The following NCOR2 variants were observed in gnomAD, a reference collection of about 807,000 sequenced individuals.
NCOR2 encodes nuclear receptor corepressor 2.
Under a neutral mutation model 262.9 loss-of-function variants are expected in NCOR2, and 81 were observed. That is an observed-to-expected ratio of 0.31 (90% CI 0.26 to 0.37). The LOEUF is 0.37. NCOR2 is among the 10% of genes least tolerant of loss of function. NCOR2 has a pLI of 1.00. For missense variants in NCOR2, 3,385 were observed against 3,621.4 expected (o/e 0.93, Z 1.68); for synonymous variants, 1,659 against 1,559.3 (o/e 1.06, Z -1.51).
intron 17 of NCOR2, among the ~76,000 whole-genome samples, chr12:124,380,722 C>G (rs1310269508): frequency 1.3e-5 from 2 of 152,094 alleles, no homozygotes; most frequent in Non-Finnish European, 2.9e-5. Context: ...TCGCAGGGAA[C>G]AGGGGTCTCC....
At chr12:124,350,788 C>T (rs1258070211) in intron 27 of NCOR2, 51 bp from the exon 30 acceptor site, 1 of 1,566,062 alleles carries the variant, frequency 6.4e-7, no homozygotes, top group Non-Finnish European at 8.6e-7. Flanking sequence ...CAGGACCCCT[C>T]TCAACTCAAA....
At chr12:124,516,309 T>G (rs1338614022) in intron 1 of NCOR2, among the ~76,000 whole-genome samples, 2 of 151,780 alleles carry the variant, frequency 1.3e-5, no homozygotes, top group African/African-American at 2.4e-5. Flanking sequence ...CCAGGCACTG[T>G]GGGGGGTGCC....
At chr12:124,495,839 G>GGGCCACA (rs2048349886), upstream of NCOR2, among the ~76,000 whole-genome samples, 1 of 152,202 alleles carries the variant, frequency 6.6e-6, no homozygotes, top group Admixed American at 6.5e-5. This position sits in a 1 kb window ranked among gnomAD's most constrained non-coding sequence, Gnocchi z 4.4. Flanking sequence ...GGCGGGCCAC[G>GGGCCACA]GGCCACAGGC....
At chr12:124,479,415 G>C (rs1225777320) in intron 3 of NCOR2, among the ~76,000 whole-genome samples, 1 of 149,526 alleles carries the variant, frequency 6.7e-6, no homozygotes, top group Non-Finnish European at 1.5e-5. Flanking sequence ...GCACACACAG[G>C]TACATGCACG....
At chr12:124,529,540 T>C (rs959604746) in intron 1 of NCOR2, among the ~76,000 whole-genome samples, 5 of 152,058 alleles carry the variant, frequency 3.3e-5, no homozygotes, top group African/African-American at 1.2e-4. Flanking sequence ...ACAACCCAAC[T>C]GGTGCAATCC....
chr12:124,356,747 G>A, exon 23 of NCOR2: 1 of 1,494,524 alleles, frequency 6.7e-7, no homozygotes, highest in Non-Finnish European at 8.8e-7. Context: ...CAGCAAGGGG[G>A]GTCCCCAGGC....
Position 124,566,706 on chromosome 12 carries a change from C to A in NCOR2, c.-165+602G>T, listed in dbSNP as rs1329136758. On this transcript the variant is annotated intron_variant, in intron 1 of 32. Coordinates refer to the NCOR2 transcript ENST00000458234. The surrounding 1 kb of genome is among the most constrained non-coding windows in gnomAD (Gnocchi z 4.3). The stretch of plus-strand genomic sequence containing the variant: ...CAGCCACGGGAGGCAGGCCCAGACA[C>A]CAGGAACACCGGCCCGCGGGGGAGG... Among the ~76,000 whole-genome samples, 2 of 152,184 alleles carry A rather than the reference C, an allele frequency of 1.3e-5. No individual in the cohort carries two copies. Among genetic ancestry groups the A allele is most frequent in the Non-Finnish European group, 2.9e-5 (2 of 68,034 alleles).
exon 39 of NCOR2, chr12:124,335,603 C>G (rs2035804995): frequency 1.9e-6 from 3 of 1,606,214 alleles, no homozygotes; most frequent in Non-Finnish European, 2.5e-6. Context: ...GGCTCCACCC[C>G]TTCGGGGCTG....
chr12:124,554,561 C>T (rs935779410), intron 1 of NCOR2, among the ~76,000 whole-genome samples: 1 of 152,270 alleles, frequency 6.6e-6, no homozygotes, highest in Non-Finnish European at 1.5e-5. Context: ...CCCCCAGGCA[C>T]TCCTTACAGC....
intron 1 of NCOR2, among the ~76,000 whole-genome samples, chr12:124,567,053 C>T (rs972625529): frequency 6.6e-6 from 1 of 151,052 alleles, no homozygotes; most frequent in African/African-American, 2.4e-5. Context: ...CCCACCCCAA[C>T]GCCACTTCCC....
In NCOR2 at chr12:124,420,059, T is replaced by C; in HGVS notation, c.1384-4A>G. 6.2e-7 allele frequency: 1 copy of C among 1,610,820 alleles called. No individual in the cohort carries two copies. The highest frequency in any genetic ancestry group is 8.5e-7 in the Non-Finnish European group (1 of 1,178,334). On this transcript the variant is annotated splice_region_variant and splice_polypyrimidine_tract_variant and intron_variant, in intron 12 of 46. Transcript: ENST00000405201. ...AGAGGACGCACTCAGCCACTGTCTG[T>C]GGGACAGAGAAAGAGGACGCTGAGC... is the stretch of plus-strand genomic sequence containing the variant.
chr12:124,330,797 G>A, intron 44 of NCOR2, 48 bp downstream of exon 46: 1 of 1,543,364 alleles, frequency 6.5e-7, no homozygotes, highest in Middle Eastern at 1.7e-4. Flanking sequence ...GGTGGGGAGG[G>A]AGCGGAGGGG....
intron 1 of NCOR2, among the ~76,000 whole-genome samples, chr12:124,532,935 TCCTCCCTCCAAATCCCACTCCTCTTCCC>T (rs1566032655): frequency 3.8e-5 from 1 of 26,336 alleles, no homozygotes; most frequent in Non-Finnish European, 7.0e-5. Flanking sequence ...CTCCTTCCCC[TCCTCCCTCCAAATCCCACTCCTCTTCCC>T]CCCTCCCTCC....
intron 11 of NCOR2, among the ~76,000 whole-genome samples, chr12:124,424,262 C>T (rs548576164): frequency 3.3e-5 from 5 of 152,224 alleles, no homozygotes; most frequent in East Asian, 3.9e-4. Context: ...CCAGGGGGAA[C>T]GTGAATCTCA....
At chr12:124,466,308 G>T (rs756479932) in intron 4 of NCOR2, 22 bp from the exon 7 acceptor site, 1 of 1,596,106 alleles carries the variant, frequency 6.3e-7, no homozygotes, top group South Asian at 1.1e-5. Context: ...GGCAGAACGT[G>T]AGGGATGAGC....
chr12:124,367,967 C>T (rs564915858), intron 20 of NCOR2, among the ~76,000 whole-genome samples: 1 of 152,362 alleles, frequency 6.6e-6, no homozygotes, highest in Admixed American at 6.5e-5. Flanking sequence ...GCAGCCACTT[C>T]TATTTTCCTT....
At chr12:124,441,658 G>A (rs1031282001) in intron 7 of NCOR2, among the ~76,000 whole-genome samples, 9 of 152,206 alleles carry the variant, frequency 5.9e-5, no homozygotes, top group Non-Finnish European at 8.8e-5. Context: ...GAATCATGGC[G>A]GTGGCTCCAC....
chr12:124,507,827 G>A (rs1384375875), intron 1 of NCOR2, among the ~76,000 whole-genome samples: 2 of 152,180 alleles, frequency 1.3e-5, no homozygotes, highest in East Asian at 1.9e-4. Flanking sequence ...GTGTGAAGGC[G>A]GCCTCCGCAA....
exon 45 of NCOR2, chr12:124,327,480 C>A: frequency 1.2e-6 from 2 of 1,613,578 alleles, no homozygotes; most frequent in Non-Finnish European, 1.7e-6. Context: ...CAGGCTGGCA[C>A]TGGCATTCAG....
Sources: allele counts gnomAD v4.1 joint callset (sites outside exome capture counted in the v4.1 genomes callset), GRCh38; gene constraint gnomAD v4.1.1; non-coding constraint Gnocchi (gnomAD v3.1); transcripts MANE v1.5; gene names NCBI Gene and HGNC (gene_info 2026-07-23, HGNC 2026-07-21).